Variants in COL6A6 observed in about 807,000 individuals in gnomAD.
COL6A6 encodes the protein collagen type VI alpha 6 chain.
A neutral mutation model predicts 208.6 loss-of-function variants in COL6A6; 183 were observed. The observed-to-expected ratio is 0.88, with a 90% CI of 0.78 to 0.99. The LOEUF (loss-of-function observed/expected upper bound fraction) is 0.99, where lower values mean the gene tolerates loss of function less well. Among genes scored for constraint, COL6A6 ranks in the 50% least tolerant of loss-of-function variants. The pLI, the probability that COL6A6 is intolerant of heterozygous loss-of-function variation, is 0.00. For missense variants in COL6A6, 2,816 were observed against 2,815.2 expected (o/e 1.00, Z -0.01); for synonymous variants, 973 against 1,011.8 (o/e 0.96, Z 0.73).
At chr3:130,620,684 C>A (rs2064688789) in intron 23 of COL6A6, among the ~76,000 whole-genome samples, 1 of 152,102 alleles carries the variant, frequency 6.6e-6, no homozygotes, top group South Asian at 2.1e-4. Flanking sequence ...AACAATCCTT[C>A]CTATTAGGAA....
At chr3:130,581,377 T>A (rs148209858) in intron 8 of COL6A6, among the ~76,000 whole-genome samples, 184 bp from the exon 9 acceptor site, 1 of 152,360 alleles carries the variant, frequency 6.6e-6, no homozygotes, top group African/African-American at 2.4e-5. Flanking sequence ...TAATGAACCC[T>A]TACACTTTTA....
chr3:130,540,122 G>GC (rs962246624), intron 1 of COL6A6, among the ~76,000 whole-genome samples: 3 of 152,050 alleles, frequency 2.0e-5, no homozygotes, highest in African/African-American at 7.2e-5. Flanking sequence ...CTTTCTCTCT[G>GC]CCCCCCACAT....
At chr3:130,634,242 T>TAAAAA (rs202193097) in intron 26 of COL6A6, among the ~76,000 whole-genome samples, 7 of 23,792 alleles carry the variant, frequency 2.9e-4, no homozygotes, top group African/African-American at 1.2e-3. Context: ...AATAAATAAA[T>TAAAAA]AAAAAAAAAA....
intron 11 of COL6A6, among the ~76,000 whole-genome samples, chr3:130,588,546 C>T (rs1188032141): frequency 1.3e-5 from 2 of 152,082 alleles, no homozygotes; most frequent in African/African-American, 2.4e-5. Flanking sequence ...AAATATTGCA[C>T]GTGTAAGTTG....
intron 1 of COL6A6, among the ~76,000 whole-genome samples, chr3:130,527,890 CTTTTTTTTTTTTTTTT>C (rs56110472): frequency 1.7e-5 from 1 of 57,844 alleles, no homozygotes; most frequent in Admixed American, 2.2e-4. Context: ...GTTACTTTTC[CTTTTTTTTTTTTTTTT>C]TTTTTTTTTG....
At chr3:130,664,016 C>CCACT (rs1454147305) in intron 35 of COL6A6, among the ~76,000 whole-genome samples, 1 of 152,212 alleles carries the variant, frequency 6.6e-6, no homozygotes, top group Non-Finnish European at 1.5e-5. Flanking sequence ...CTTCTCTGAG[C>CCACT]CACTCACTGT....
intron 18 of COL6A6, 65 bp downstream of exon 18, chr3:130,594,408 C>T (rs900079655): frequency 1.2e-5 from 16 of 1,286,146 alleles, no homozygotes; most frequent in African/African-American, 3.0e-5. Context: ...GATAGGGAGT[C>T]TCGATTTCAA....
chr3:130,537,182 C>T (rs927268669), intron 1 of COL6A6, among the ~76,000 whole-genome samples: 1 of 152,206 alleles, frequency 6.6e-6, no homozygotes, highest in Non-Finnish European at 1.5e-5. Flanking sequence ...TCCCTTAACA[C>T]AGTTAGGGAC....
At chr3:130,580,021 A>T (rs2107992798) in intron 8 of COL6A6, among the ~76,000 whole-genome samples, 1 of 152,386 alleles carries the variant, frequency 6.6e-6, no homozygotes, top group Admixed American at 6.5e-5. Context: ...ACAAAAATTT[A>T]AAATACACAA....
intron 23 of COL6A6, among the ~76,000 whole-genome samples, chr3:130,612,513 CAG>C (rs1181540958): frequency 4.6e-5 from 7 of 152,240 alleles, no homozygotes. Flanking sequence ...TTTCTCTAAT[CAG>C]TGATTTTGAG....
chr3:130,640,182 G>GC (rs1440211487), intron 28 of COL6A6, among the ~76,000 whole-genome samples: 3 of 152,154 alleles, frequency 2.0e-5, no homozygotes, highest in Non-Finnish European at 4.4e-5. Context: ...TCCCGGTGCT[G>GC]CCAAATCCTC....
At position 130,644,976 on chromosome 3, in the gene COL6A6, GTTC is replaced by G. The variant is rs761062647; in HGVS notation, c.5228-8_5228-6del. The G allele has an allele frequency of 5.0e-6, 8 of 1,610,810 alleles. 1 individual carries two copies. The South Asian group carries it at 5.5e-5, about 11-fold the overall frequency. ...ACCAAATAATAATCCAATCTCCTTT[GTTC>G]TTCTTCCCCAGCTGGCAGGCATGGT... On this transcript the variant is annotated splice_polypyrimidine_tract_variant and intron_variant, in intron 31 of 36. Transcript: ENST00000358511.
intron 1 of COL6A6, among the ~76,000 whole-genome samples, chr3:130,557,282 A>G (rs540870773): frequency 6.6e-6 from 1 of 152,350 alleles, no homozygotes; most frequent in African/African-American, 2.4e-5. Flanking sequence ...AGAAAATGCA[A>G]CTGGGGGAAA....
chr3:130,547,751 T>A (rs111521822), intron 1 of COL6A6, among the ~76,000 whole-genome samples: 4 of 152,236 alleles, frequency 2.6e-5, no homozygotes, highest in Non-Finnish European at 2.9e-5. Flanking sequence ...TTGTGTGCTG[T>A]CTACTTTATC....
intron 20 of COL6A6, among the ~76,000 whole-genome samples, chr3:130,603,797 C>T (rs764507539): frequency 6.6e-6 from 1 of 152,074 alleles, no homozygotes; most frequent in Non-Finnish European, 1.5e-5. Flanking sequence ...GATGTTTTAC[C>T]ATTCAGAATG....
rs775418315 is a variant in COL6A6 at position 130,563,294 on chromosome 3, C to T, written c.291C>T (p.Asn97=). 1 of 1,613,996 alleles carries T rather than the reference C, an allele frequency of 6.2e-7. No individual in the cohort carries two copies. The highest frequency in any genetic ancestry group is 8.5e-7 in the Non-Finnish European group (1 of 1,179,878). The part of the protein sequence containing the change: ...RSPMLNHLRK[N]FGFIGGSLQI... ...CCATGCTGAACCACCTAAGGAAGAA[C>T]TTTGGATTCATTGGCGGGTCCCTGC... is the stretch of plus-strand genomic sequence containing the variant. The change falls in exon 3 of 37, where the codon AAC becomes AAT. Residue 97 remains asparagine (N), a synonymous_variant. Coordinates refer to ENST00000358511, the MANE Select transcript of COL6A6 (RefSeq NM_001102608.3).
At chr3:130,652,954 C>T (rs954340755) in intron 33 of COL6A6, among the ~76,000 whole-genome samples, 3 of 152,222 alleles carry the variant, frequency 2.0e-5, no homozygotes, top group African/African-American at 7.2e-5. Context: ...GCTCTGACAG[C>T]ATATACTGAT....
intron 1 of COL6A6, among the ~76,000 whole-genome samples, chr3:130,518,233 T>C (rs764665385): frequency 7.9e-5 from 12 of 152,176 alleles, no homozygotes; most frequent in African/African-American, 1.2e-4. Context: ...TAGGAATATC[T>C]GAGACAGTAA....
rs1319181211 is a variant in COL6A6, at chr3:130,599,317, T to A, written c.4600-440T>A. Among the ~76,000 whole-genome samples the A allele has an allele frequency of 2.0e-5, 3 of 152,214 alleles. No homozygotes were observed. The South Asian group carries it at 6.2e-4, about 32-fold the overall frequency. On this transcript the variant is annotated intron_variant, in intron 19 of 36. Coordinates refer to ENST00000358511, the MANE Select transcript of COL6A6 (RefSeq NM_001102608.3). The stretch of plus-strand genomic sequence containing the variant: ...AGTGATCATCTAGTGATCATACAAG[T>A]CTTTTTATTATGAGACTTTATTTAC...
Sources: allele counts gnomAD v4.1 joint callset (sites outside exome capture counted in the v4.1 genomes callset), GRCh38; gene constraint gnomAD v4.1.1; transcripts MANE v1.5; gene names NCBI Gene and HGNC (gene_info 2026-07-23, HGNC 2026-07-21).